FBXL17: variants seen among roughly 807,000 people sequenced by gnomAD.
The protein encoded by FBXL17 is F-box/LRR-repeat protein 17.
Under a neutral mutation model 66.2 loss-of-function variants are expected in FBXL17, and 22 were observed. That is an observed-to-expected ratio of 0.33 (90% CI 0.24 to 0.47). The LOEUF is 0.47. Among genes scored for constraint, FBXL17 ranks in the 20% least tolerant of loss-of-function variants. The probability of loss-of-function intolerance (pLI) is 1.00; values close to 1 mark genes in which losing one functional copy is unlikely to be tolerated. For missense variants in FBXL17, 878 were observed against 948.2 expected, an observed-to-expected ratio of 0.93 and a Z score of 0.97; for synonymous variants, 474 against 400.5, an observed-to-expected ratio of 1.18 and a Z score of -2.19.
chr5:108,317,670 G>T (rs1172871594), intron 4 of FBXL17, among the ~76,000 whole-genome samples: 1 of 151,116 alleles, frequency 6.6e-6, no homozygotes, highest in Non-Finnish European at 1.5e-5. Flanking sequence ...ATCTTAATAT[G>T]CCAAATTCAT....
chr5:107,985,300 A>C (rs1752975264), intron 7 of FBXL17, among the ~76,000 whole-genome samples: 1 of 152,192 alleles, frequency 6.6e-6, no homozygotes, highest in South Asian at 2.1e-4. Flanking sequence ...AATTATATGC[A>C]CCTTCAGAGC....
chr5:107,956,314 T>C (rs1340072480), intron 7 of FBXL17, among the ~76,000 whole-genome samples: 5 of 152,196 alleles, frequency 3.3e-5, no homozygotes, highest in African/African-American at 7.2e-5. Flanking sequence ...TTAAGGAACC[T>C]GCAATTTTAC....
chr5:108,266,031 A>G (rs1317030060), intron 4 of FBXL17, among the ~76,000 whole-genome samples: 1 of 152,088 alleles, frequency 6.6e-6, no homozygotes, highest in Non-Finnish European at 1.5e-5. Flanking sequence ...AATCTTCCAT[A>G]TTTCTGAACT....
intron 6 of FBXL17, among the ~76,000 whole-genome samples, chr5:108,094,328 C>A (rs1188830995): frequency 2.0e-5 from 3 of 152,092 alleles, no homozygotes; most frequent in African/African-American, 7.2e-5. Flanking sequence ...TCTTTGTATA[C>A]CTTATATCCA....
chr5:108,136,883 T>C (rs915491350), intron 6 of FBXL17, among the ~76,000 whole-genome samples: 1 of 152,214 alleles, frequency 6.6e-6, no homozygotes, highest in Non-Finnish European at 1.5e-5. Flanking sequence ...ATATTATTGA[T>C]GTTATTTTGA....
At chr5:107,987,981 G>C (rs1753086186) in intron 7 of FBXL17, among the ~76,000 whole-genome samples, 1 of 151,970 alleles carries the variant, frequency 6.6e-6, no homozygotes. Context: ...TTGGTTAAAA[G>C]AGTACTGTTG....
chr5:108,014,459 C>G (rs1754304063), intron 7 of FBXL17, among the ~76,000 whole-genome samples: 1 of 152,060 alleles, frequency 6.6e-6, no homozygotes, highest in Non-Finnish European at 1.5e-5. Flanking sequence ...TAGAGTTAAT[C>G]TTTGAATTGG....
At chr5:108,035,522 A>G (rs1422699218) in intron 6 of FBXL17, among the ~76,000 whole-genome samples, 1 of 152,092 alleles carries the variant, frequency 6.6e-6, no homozygotes, top group Non-Finnish European at 1.5e-5. Flanking sequence ...ATGTGTCACC[A>G]TGCCCGGCTA....
At chr5:108,118,883 C>T (rs1750367626) in intron 6 of FBXL17, among the ~76,000 whole-genome samples, 1 of 152,136 alleles carries the variant, frequency 6.6e-6, no homozygotes, top group African/African-American at 2.4e-5. Flanking sequence ...TTAGAACACC[C>T]TTACTATATT....
intron 6 of FBXL17, among the ~76,000 whole-genome samples, chr5:108,144,053 TG>T (rs1192437326): frequency 8.6e-5 from 13 of 152,042 alleles, no homozygotes; most frequent in African/African-American, 2.9e-4. Context: ...TATATGATGA[TG>T]GCAGAACAAA....
rs368561552 is a variant in FBXL17, at chr5:108,159,544, G to A, written c.1745+26573C>T. On this transcript the variant is annotated intron_variant, in intron 6 of 8. Coordinates refer to ENST00000542267, the MANE Select transcript of FBXL17 (RefSeq NM_001163315.3). ...GTAGTTCCTTCCTCTACTATGTGAG[G>A]ACTCAGTGAGAAGGTGCCATCCATG... is the stretch of plus-strand genomic sequence containing the variant. 4.7e-4 allele frequency among the ~76,000 whole-genome samples: 72 copies of A among 152,222 alleles called. 1 individual carries two copies. In the South Asian group the frequency reaches 0.013, roughly 27 times the overall value.
intron 3 of FBXL17, among the ~76,000 whole-genome samples, chr5:108,355,014 G>A (rs6886830): frequency 0.023 from 3,422 of 151,872 alleles, 130 homozygotes; most frequent in African/African-American, 0.078. Flanking sequence ...TGCAAGAAAC[G>A]ATAAAAGAAG....
Position 108,206,128 on chromosome 5 carries a change from G to A in FBXL17, c.1614+17993C>T, listed in dbSNP as rs114673475. ...TTCATTGATGATGATCATTGCCTCGGTCCATTATTTCAAGATAACTGCAAA... is the reference window on the plus strand; with the variant it reads ...TTCATTGATGATGATCATTGCCTCGATCCATTATTTCAAGATAACTGCAAA... On this transcript the variant is annotated intron_variant, in intron 5 of 8. Transcript: ENST00000542267. Among the ~76,000 whole-genome samples the A allele has an allele frequency of 9.6e-3, 1,457 of 152,040 alleles. 10 individuals are homozygous for A. Among genetic ancestry groups the A allele is most frequent in the Non-Finnish European group, 0.014 (925 of 67,980 alleles).
chr5:107,928,585 G>C (rs1288276907), intron 7 of FBXL17, among the ~76,000 whole-genome samples: 2 of 152,180 alleles, frequency 1.3e-5, no homozygotes, highest in African/African-American at 4.8e-5. Context: ...GCTCAGATTT[G>C]AGAAAGATAA....
chr5:108,086,366 T>C (rs288230), intron 6 of FBXL17, among the ~76,000 whole-genome samples: 20,549 of 152,220 alleles, frequency 0.13, 1,603 homozygotes, highest in South Asian at 0.31. Context: ...CATTAGATCA[T>C]AGCCTTTTGT....
At chr5:108,363,557 A>T (rs1222319910) in intron 3 of FBXL17, among the ~76,000 whole-genome samples, 2 of 152,130 alleles carry the variant, frequency 1.3e-5, no homozygotes, top group Non-Finnish European at 2.9e-5. Context: ...AAAATACCTC[A>T]CATTCTAGAG....
chr5:108,355,260 C>CTTTATTTA (rs144119979), intron 3 of FBXL17, among the ~76,000 whole-genome samples: 2,752 of 141,472 alleles, frequency 0.019, 63 homozygotes, highest in African/African-American at 0.06. Flanking sequence ...GGATGAAAAA[C>CTTTATTTA]TTTATTTATT....
chr5:108,244,038 T>C (rs542600273), intron 4 of FBXL17, among the ~76,000 whole-genome samples: 2 of 152,284 alleles, frequency 1.3e-5, no homozygotes, highest in African/African-American at 4.8e-5. Context: ...TCGAACTGTC[T>C]ATGGTTCTTT....
At chr5:108,227,208 C>T (rs1195406770) in intron 4 of FBXL17, among the ~76,000 whole-genome samples, 1 of 152,058 alleles carries the variant, frequency 6.6e-6, no homozygotes, top group African/African-American at 2.4e-5. Context: ...TCAACAAGCC[C>T]CCAAGTGACT....
Sources: gnomAD v4.1 joint callset for allele counts (sites outside exome capture counted in the v4.1 genomes callset) on GRCh38, gnomAD v4.1.1 for gene constraint, MANE v1.5 for transcripts, NCBI Gene and HGNC (gene_info 2026-07-23, HGNC 2026-07-21) for gene names.